The following ARMCX4 variants were observed in gnomAD, a reference collection of about 807,000 sequenced individuals.
ARMCX4 encodes armadillo repeat-containing X-linked protein 4.
In ARMCX4, 3 loss-of-function variants were observed where a neutral mutation model predicts 34.7. The ratio of observed to expected loss-of-function variants is 0.09; its 90% confidence interval spans 0.04 to 0.22. ARMCX4 has a LOEUF of 0.22. ARMCX4 is among the 10% of genes least tolerant of loss of function. The probability of loss-of-function intolerance (pLI) is 1.00; values close to 1 mark genes in which losing one functional copy is unlikely to be tolerated. For missense variants in ARMCX4, 1,448 were observed against 1,720.8 expected, an observed-to-expected ratio of 0.84 and a Z score of 2.81; for synonymous variants, 513 against 632.8, an observed-to-expected ratio of 0.81 and a Z score of 2.84.
chrX:101,439,354 G>A (rs1555996059), intron 2 of ARMCX4, among the ~76,000 whole-genome samples: 1 of 111,664 alleles, frequency 9.0e-6, no homozygotes. Context: ...TTAGTCTGAT[G>A]GGCTTCCCTT....
In ARMCX4 at chrX:101,524,677, C is replaced by T. The variant is rs5951344; in HGVS notation, c.*1781-6967C>T. 0.54 allele frequency among the ~76,000 whole-genome samples: 59,343 copies of T among 109,973 alleles called. 12,579 individuals carry two copies. The highest frequency in any genetic ancestry group is 0.67 in the Non-Finnish European group (35,357 of 52,401). On this transcript the variant is annotated intron_variant and NMD_transcript_variant, in intron 11 of 12. Transcript: ENST00000354842. ...AGATTATATCCTGCACCTGGCTCGG[C>T]GGGTCCCATGCCCATGGAGCCTTGC...
intron 2 of ARMCX4, among the ~76,000 whole-genome samples, chrX:101,422,427 C>T (rs1220597387): frequency 1.8e-5 from 2 of 109,663 alleles, no homozygotes; most frequent in African/African-American, 6.6e-5. Context: ...GTCTTTCTTG[C>T]AGTTTTGTGT....
intron 2 of ARMCX4, among the ~76,000 whole-genome samples, chrX:101,433,047 T>C (rs968589888): frequency 1.5e-4 from 16 of 108,753 alleles, no homozygotes; most frequent in African/African-American, 4.0e-4. Flanking sequence ...TATACACACA[T>C]ATGTATACAT....
At chrX:101,437,419 T>C (rs1433488454) in intron 2 of ARMCX4, among the ~76,000 whole-genome samples, 1 of 112,352 alleles carries the variant, frequency 8.9e-6, no homozygotes, top group Non-Finnish European at 1.9e-5. Flanking sequence ...CTAGATTTTC[T>C]AGTTTATTTG....
upstream of ARMCX4, among the ~76,000 whole-genome samples, chrX:101,484,646 GT>G (rs1556006075): frequency 8.9e-6 from 1 of 112,242 alleles, no homozygotes; most frequent in Non-Finnish European, 1.9e-5. Context: ...AAAACGAAAT[GT>G]CTTTCCAAAG....
At chrX:101,530,302 C>T (rs1019292116) in intron 11 of ARMCX4, among the ~76,000 whole-genome samples, 44 of 110,737 alleles carry the variant, frequency 4.0e-4, no homozygotes, top group Admixed American at 1.2e-3. Flanking sequence ...CTTGGACACA[C>T]GGCGGGGAAC....
chrX:101,530,845 G>A (rs191278720), intron 11 of ARMCX4, among the ~76,000 whole-genome samples: 2 of 112,323 alleles, frequency 1.8e-5, no homozygotes, highest in African/African-American at 6.4e-5. Flanking sequence ...TTGAACCTCA[G>A]GAATGGAGAA....
At chrX:101,432,970 ATG>A (rs1491501717) in intron 2 of ARMCX4, among the ~76,000 whole-genome samples, 36 of 106,459 alleles carry the variant, frequency 3.4e-4, no homozygotes, top group Admixed American at 2.8e-3. Flanking sequence ...ATATGTGTAT[ATG>A]TGTATATATA....
At chrX:101,462,975 G>A (rs782556064) in intron 4 of ARMCX4, among the ~76,000 whole-genome samples, 1 of 111,732 alleles carries the variant, frequency 8.9e-6, no homozygotes, top group South Asian at 3.7e-4. Flanking sequence ...GAAAGATCTG[G>A]CCGGTGCCAA....
intron 11 of ARMCX4, among the ~76,000 whole-genome samples, chrX:101,515,138 C>T (rs1021544586): frequency 3.4e-4 from 38 of 111,225 alleles, no homozygotes; most frequent in African/African-American, 1.2e-3. Context: ...TTATCCAGCA[C>T]GATTAACAGC....
At chrX:101,508,967 A>G (rs782523660) in intron 8 of ARMCX4, among the ~76,000 whole-genome samples, 2 of 111,423 alleles carry the variant, frequency 1.8e-5, no homozygotes, top group South Asian at 7.5e-4. Context: ...TGTTATTGAC[A>G]GTTGAGTTAC....
intron 4 of ARMCX4, among the ~76,000 whole-genome samples, chrX:101,457,226 G>C (rs949788067): frequency 1.2e-4 from 13 of 112,029 alleles, no homozygotes; most frequent in Non-Finnish European, 2.1e-4. Flanking sequence ...GGTAGATCTA[G>C]AGGCTTGTTC....
At chrX:101,503,185 T>C (rs1934349601) in intron 7 of ARMCX4, among the ~76,000 whole-genome samples, 1 of 110,497 alleles carries the variant, frequency 9.1e-6, no homozygotes, top group Non-Finnish European at 1.9e-5. Context: ...CAGTCTATCA[T>C]TGTTGGACTT....
At chrX:101,530,680 CTA>C (rs781885671) in intron 11 of ARMCX4, among the ~76,000 whole-genome samples, 1 of 111,375 alleles carries the variant, frequency 9.0e-6, no homozygotes, top group Non-Finnish European at 1.9e-5. Flanking sequence ...ACCCATAAAT[CTA>C]TGTCCAGCAA....
chrX:101,448,870 AG>A (rs1931805058), downstream of ARMCX4, among the ~76,000 whole-genome samples: 1 of 107,259 alleles, frequency 9.3e-6, no homozygotes, highest in African/African-American at 3.4e-5. Context: ...CTGGGATTAC[AG>A]GCGAGAGCCA....
At chrX:101,446,204 T>A (rs1931614365), downstream of ARMCX4, 1 of 112,427 alleles carries the variant, frequency 8.9e-6, no homozygotes, top group African/African-American at 3.2e-5. Context: ...GAAACCACTT[T>A]TTATTTCTTC....
intron 5 of ARMCX4, 68 bp downstream of exon 5, chrX:101,488,167 A>G: frequency 2.3e-6 from 1 of 432,503 alleles, no homozygotes; most frequent in Non-Finnish European, 3.6e-6. Flanking sequence ...AAAGTCTGGG[A>G]CTTCTTGGTT....
chrX:101,501,080 C>T (rs1339491292), intron 7 of ARMCX4, among the ~76,000 whole-genome samples: 1 of 112,400 alleles, frequency 8.9e-6, no homozygotes, highest in Non-Finnish European at 1.9e-5. Context: ...GTATTTTTTA[C>T]CTTCTTCACA....
chrX:101,461,158 C>T (rs1932589617), intron 4 of ARMCX4, among the ~76,000 whole-genome samples: 1 of 111,994 alleles, frequency 8.9e-6, no homozygotes, highest in South Asian at 3.7e-4. Flanking sequence ...TGTTGTGCAA[C>T]CATCACCACT....
Sources: allele counts gnomAD v4.1 joint callset (sites outside exome capture counted in the v4.1 genomes callset), GRCh38; gene constraint gnomAD v4.1.1; transcripts MANE v1.5; gene names NCBI Gene and HGNC (gene_info 2026-07-23, HGNC 2026-07-21).